Variants in RPF2 observed in about 807,000 individuals in gnomAD.
RPF2 encodes the protein ribosome production factor 2 homolog.
Under a neutral mutation model 38.9 loss-of-function variants are expected in RPF2, and 21 were observed. That is an observed-to-expected ratio of 0.54 (90% confidence interval 0.38 to 0.78). The LOEUF is 0.78. RPF2 is among the 30% of genes least tolerant of loss of function. The pLI is 0.00. For missense variants in RPF2, 314 were observed against 358.1 expected (o/e 0.88, Z 0.99); for synonymous variants, 121 against 126.2 (o/e 0.96, Z 0.28).
At position 110,984,855 on chromosome 6, in the gene RPF2, A is replaced by AAAC. The variant is rs1771496801; in HGVS notation, c.24-149_24-148insCAA. 13 of 925,166 alleles carry AAAC rather than the reference A, an allele frequency of 1.4e-5. No individual in the cohort carries two copies. In the South Asian group the frequency reaches 2.2e-4, roughly 15 times the overall value. 57.3% of individuals were successfully genotyped at this position (925,166 alleles called of 1,614,324 possible). A position where few individuals can be genotyped will look rare whatever the true frequency, so the allele number is the denominator to read the frequency against. On this transcript the variant is annotated intron_variant, in intron 1 of 9. Transcript: ENST00000441448. ...ACTCCATCTCAAAAACAAACAAAAA[A>AAAC]AAACAAACAAAAAAAAGAAAGTGAG...
Position 111,025,483 on chromosome 6 carries a change from C to G in RPF2, c.822C>G (p.Ser274Arg). Residue 274 changes from serine to arginine, a missense_variant, in exon 10 of 10, where the codon AGC becomes AGG. Coordinates refer to ENST00000441448, the MANE Select transcript of RPF2 (RefSeq NM_032194.3). ...TTCATATGCAGAAGCAAGACCTAAG[C>G]AAACTACAAACCAGGAAAATGAAGG... ...GRIHMQKQDL[S>R]KLQTRKMKGL... 6.2e-7 allele frequency: 1 copy of G among 1,613,296 alleles called. No individual in the cohort carries two copies. The highest frequency in any genetic ancestry group is 8.5e-7 in the Non-Finnish European group (1 of 1,179,522).
chr6:111,006,736 G>A (rs925872820), intron 6 of RPF2, among the ~76,000 whole-genome samples: 1 of 152,050 alleles, frequency 6.6e-6, no homozygotes, highest in Non-Finnish European at 1.5e-5. Flanking sequence ...CGTTCCGAGT[G>A]GCTGGGACCA....
intron 2 of RPF2, 97 bp downstream of exon 2, chr6:110,985,235 G>A (rs1416790729): frequency 2.8e-6 from 3 of 1,088,918 alleles, no homozygotes; most frequent in African/African-American, 3.2e-5. Flanking sequence ...AGATAAGCTT[G>A]CCTTACCATA....
intron 3 of RPF2, among the ~76,000 whole-genome samples, chr6:110,990,026 C>T (rs2114296066): frequency 6.6e-6 from 1 of 152,018 alleles, no homozygotes; most frequent in Admixed American, 6.6e-5. Context: ...GCAACACCTG[C>T]CTCCTGGGTT....
rs1316275471 is a variant in RPF2, at chr6:111,027,336, C to T, written c.*1754C>T. 2.0e-5 allele frequency: 3 copies of T among 152,162 alleles called. No individual in the cohort carries two copies. Among genetic ancestry groups the T allele is most frequent in the East Asian group, 1.9e-4 (1 of 5,204 alleles). 9.4% of individuals were successfully genotyped at this position (152,162 alleles called of 1,614,324 possible). On this transcript the variant is annotated 3_prime_UTR_variant, in exon 10 of 10. Coordinates refer to ENST00000441448, the MANE Select transcript of RPF2 (RefSeq NM_032194.3). ...CGTTTAACCAAAGACCATACAGTCT[C>T]GTACCTGAATCAGACATTTGCACTT...
In RPF2 at chr6:111,027,084, G is replaced by C. The variant is rs764338034; in HGVS notation, c.*1502G>C. 9.2e-5 allele frequency: 14 copies of C among 152,134 alleles called. No homozygotes were observed. The highest frequency in any genetic ancestry group is 1.8e-4 in the Non-Finnish European group (12 of 68,054). 9.4% of individuals were successfully genotyped at this position (152,134 alleles called of 1,614,324 possible). ...AGGGTTTCACTTCAATTCCATGTTA[G>C]AGAGCTCCGTGCCTGTGTATACATG... On this transcript the variant is annotated 3_prime_UTR_variant, in exon 10 of 10. Coordinates refer to ENST00000441448, the MANE Select transcript of RPF2 (RefSeq NM_032194.3).
At chr6:110,993,739 G>A (rs909853132) in intron 4 of RPF2, among the ~76,000 whole-genome samples, 1 of 152,124 alleles carries the variant, frequency 6.6e-6, no homozygotes, top group African/African-American at 2.4e-5. Context: ...TCCAGTTATA[G>A]TATATATTTA....
chr6:111,011,159 C>G (rs1277248526), intron 7 of RPF2, among the ~76,000 whole-genome samples: 1 of 152,148 alleles, frequency 6.6e-6, no homozygotes, highest in Non-Finnish European at 1.5e-5. Context: ...CCCATGATCC[C>G]TTCTAGAATC....
Position 111,008,095 on chromosome 6 carries a change from G to A in RPF2, c.451G>A (p.Asp151Asn), listed in dbSNP as rs773025864. The A allele has an allele frequency of 6.9e-6, 11 of 1,600,180 alleles. No homozygotes were observed. The highest frequency in any genetic ancestry group is 2.2e-5 in the South Asian group (2 of 89,252). The change falls in exon 7 of 10, where the codon GAT becomes AAT. Residue 151 changes from aspartate (D) to asparagine (N), a missense_variant. Physicochemically the swap from Asp to Asn is conservative, Grantham distance 23 (BLOSUM62 1). Transcript: ENST00000441448. ...PMLIFAGDDFDVTEDYRRLKS... is the reference protein window; with the variant it reads ...PMLIFAGDDFNVTEDYRRLKS... ...GCTGATATTTGCTGGCGATGATTTCGATGTAACAGAAGATTATAGAAGACT... is the reference window on the plus strand; with the variant it reads ...GCTGATATTTGCTGGCGATGATTTCAATGTAACAGAAGATTATAGAAGACT...
At chr6:110,990,941 T>C (rs1771609845) in intron 3 of RPF2, among the ~76,000 whole-genome samples, 2 of 152,276 alleles carry the variant, frequency 1.3e-5, no homozygotes, top group African/African-American at 4.8e-5. Flanking sequence ...TTCCTTACTT[T>C]CTAACATCAC....
intron 7 of RPF2, among the ~76,000 whole-genome samples, chr6:111,008,923 A>G (rs9372289): frequency 0.19 from 19,135 of 100,548 alleles, 1,839 homozygotes; most frequent in East Asian, 0.62. Flanking sequence ...TTTTAAAGAT[A>G]GAGTCTTGCT....
intron 2 of RPF2, 68 bp downstream of exon 2, chr6:110,985,206 G>A: frequency 7.4e-7 from 1 of 1,343,430 alleles, no homozygotes; most frequent in Non-Finnish European, 1.0e-6. Context: ...TGCTAGGATG[G>A]GCTGTCGGAG....
intron 6 of RPF2, among the ~76,000 whole-genome samples, chr6:111,005,856 G>A (rs1286634202): frequency 6.6e-6 from 1 of 152,120 alleles, no homozygotes; most frequent in Non-Finnish European, 1.5e-5. Context: ...CTGTCGCCCA[G>A]GCTGGAGTGC....
intron 6 of RPF2, among the ~76,000 whole-genome samples, chr6:111,000,006 A>G (rs187033803): frequency 9.2e-4 from 140 of 152,326 alleles, no homozygotes; most frequent in Non-Finnish European, 1.6e-3. Flanking sequence ...TGTGGCTGTT[A>G]GACTTCAGAC....
At chr6:111,008,370 C>T (rs914170724) in intron 7 of RPF2, among the ~76,000 whole-genome samples, 15 of 151,756 alleles carry the variant, frequency 9.9e-5, no homozygotes, top group Non-Finnish European at 1.6e-4. Context: ...GCTGCCGAAG[C>T]GAGCACAACT....
rs1158845914 is a variant in RPF2, at chr6:110,982,050, GT to G, written c.-56del. On this transcript the variant is annotated 5_prime_UTR_variant, in exon 1 of 10. Transcript: ENST00000441448. ...TCCGGTTCCGCCTGTTCCGGCGCAC[GT>G]AATCGCCGAGGGCACGTGCATGCCC... 1.9e-6 allele frequency: 3 copies of G among 1,604,912 alleles called. No individual in the cohort carries two copies. The Admixed American group carries it at 5.0e-5, about 27-fold the overall frequency.
intron 8 of RPF2, among the ~76,000 whole-genome samples, chr6:111,017,168 T>TC (rs1184808373): frequency 5.2e-4 from 79 of 152,358 alleles, no homozygotes; most frequent in Admixed American, 5.1e-3. Context: ...GCCATCGTCA[T>TC]CATGGCCCGT....
chr6:110,982,177 C>T, intron 1 of RPF2, 48 bp downstream of exon 1: 2 of 1,602,702 alleles, frequency 1.2e-6, no homozygotes, highest in Non-Finnish European at 1.7e-6. Flanking sequence ...GTGAAAGGGT[C>T]CCGTGATGAG....
At chr6:110,987,952 T>C (rs9398260) in intron 2 of RPF2, among the ~76,000 whole-genome samples, 37,566 of 151,874 alleles carry the variant, frequency 0.25, 5,373 homozygotes, top group East Asian at 0.65. Context: ...AAGCCTAGGA[T>C]GACAGCCTGG....
Sources: gnomAD v4.1 joint callset for allele counts (sites outside exome capture counted in the v4.1 genomes callset) on GRCh38, gnomAD v4.1.1 for gene constraint, MANE v1.5 for transcripts, NCBI Gene and HGNC (gene_info 2026-07-23, HGNC 2026-07-21) for gene names.